UBR3: variants seen among roughly 807,000 people sequenced by gnomAD.
The protein encoded by UBR3 is E3 ubiquitin-protein ligase UBR3.
In UBR3, 85 loss-of-function variants were observed where a neutral mutation model predicts 243.2. That is an observed-to-expected ratio of 0.35 (90% confidence interval 0.29 to 0.42). The LOEUF is 0.42. UBR3 is among the 10% of genes least tolerant of loss of function. The pLI is 1.00. For synonymous variants in UBR3, 748 were observed against 799.8 expected (o/e 0.94, Z 1.09); for missense variants, 1,686 against 2,300.8 (o/e 0.73, Z 5.47).
At chr2:169,866,181 G>C (rs1486159352) in intron 1 of UBR3, among the ~76,000 whole-genome samples, 1 of 65,200 alleles carries the variant, frequency 1.5e-5, no homozygotes, top group Admixed American at 1.8e-4. Flanking sequence ...AAAAAAAAAA[G>C]CTTTTATGGG....
intron 5 of UBR3, among the ~76,000 whole-genome samples, chr2:169,884,575 C>T (rs1188723250): frequency 1.3e-5 from 2 of 152,216 alleles, no homozygotes; most frequent in Non-Finnish European, 2.9e-5. Flanking sequence ...ACTACTGTGA[C>T]TCTTCCGCTA....
chr2:169,959,288 T>C (rs1381699606), intron 24 of UBR3, among the ~76,000 whole-genome samples: 1 of 152,170 alleles, frequency 6.6e-6, no homozygotes, highest in Non-Finnish European at 1.5e-5. Context: ...TAATGGGTTC[T>C]AAACCATCTA....
At chr2:169,845,881 G>A (rs1200531186) in intron 1 of UBR3, among the ~76,000 whole-genome samples, 1 of 152,106 alleles carries the variant, frequency 6.6e-6, no homozygotes, top group East Asian at 1.9e-4. Flanking sequence ...ACGGTGCCCA[G>A]CCAGTAATTT....
At chr2:170,056,245 A>G (rs62172047) in intron 33 of UBR3, among the ~76,000 whole-genome samples, 10,244 of 151,958 alleles carry the variant, frequency 0.067, 357 homozygotes, top group Non-Finnish European at 0.085. Flanking sequence ...TGACCTTGTG[A>G]TCCGCCCACC....
At chr2:170,054,380 C>A (rs2091287885) in intron 32 of UBR3, among the ~76,000 whole-genome samples, 1 of 151,784 alleles carries the variant, frequency 6.6e-6, no homozygotes, top group Non-Finnish European at 1.5e-5. Flanking sequence ...CTCCCGGGTT[C>A]AAGCGATTCT....
chr2:169,838,351 C>T (rs545303498), intron 1 of UBR3, among the ~76,000 whole-genome samples: 60 of 147,844 alleles, frequency 4.1e-4, no homozygotes, highest in Admixed American at 1.8e-3. Context: ...TTTATTTATT[C>T]CAGTCTGGAA....
At chr2:169,928,584 A>ATCTGTATG (rs2085997715) in intron 17 of UBR3, 143 bp from the exon 18 acceptor site, 1 of 508,002 alleles carries the variant, frequency 2.0e-6, no homozygotes, top group African/African-American at 1.9e-5. Flanking sequence ...CTGTTGTATT[A>ATCTGTATG]TATAGCCCTC....
In UBR3 at chr2:169,949,649, A is replaced by G; in HGVS notation, c.3129A>G (p.Arg1043=). ...AQVFSLVAER[R]KKFQEIINRS... is the part of the protein sequence containing the mutation. ...TTTTCAGTTTAGTAGCAGAACGTAG[A>G]AAGAAATTTCAGGAAATCATCAATC... Residue 1043 remains arginine, a synonymous_variant, in exon 23 of 39, where the codon AGA becomes AGG. Coordinates refer to ENST00000272793, the MANE Select transcript of UBR3 (RefSeq NM_172070.4). The G allele has an allele frequency of 6.4e-7, 1 of 1,550,442 alleles. No homozygotes were observed. Among genetic ancestry groups the G allele is most frequent in the South Asian group, 1.2e-5 (1 of 83,694 alleles).
chr2:169,988,828 T>C (rs891092627), intron 25 of UBR3, among the ~76,000 whole-genome samples: 6 of 152,052 alleles, frequency 3.9e-5, no homozygotes, highest in African/African-American at 9.7e-5. Context: ...GAAACTGACA[T>C]TAAAGAGTAT....
At chr2:169,836,272 T>TG (rs2082111415) in intron 1 of UBR3, among the ~76,000 whole-genome samples, 1 of 150,106 alleles carries the variant, frequency 6.7e-6, no homozygotes. Flanking sequence ...TTAGTAGAGA[T>TG]GGGGGTTTCA....
At chr2:170,076,796 G>C (rs1163617061) in intron 36 of UBR3, among the ~76,000 whole-genome samples, 1 of 152,182 alleles carries the variant, frequency 6.6e-6, no homozygotes, top group Non-Finnish European at 1.5e-5. Context: ...GATTGGTCCT[G>C]TCTTTGTTTC....
chr2:169,844,481 A>G (rs2082399425), intron 1 of UBR3, among the ~76,000 whole-genome samples: 1 of 128,638 alleles, frequency 7.8e-6, no homozygotes, highest in South Asian at 2.5e-4. Context: ...GTATGTAGTG[A>G]AACCCTCTCT....
chr2:169,988,815 A>G (rs2089148323), intron 25 of UBR3, among the ~76,000 whole-genome samples: 1 of 152,102 alleles, frequency 6.6e-6, no homozygotes, highest in Non-Finnish European at 1.5e-5. Context: ...AAAAAGAAAA[A>G]AAGAAACTGA....
At chr2:169,905,768 A>AT (rs1254444917) in intron 9 of UBR3, among the ~76,000 whole-genome samples, 1 of 152,210 alleles carries the variant, frequency 6.6e-6, no homozygotes, top group Non-Finnish European at 1.5e-5. Context: ...ATCAATTAAA[A>AT]TTTTTTTGAC....
chr2:170,076,984 G>A (rs966138404), intron 36 of UBR3, among the ~76,000 whole-genome samples: 15 of 152,224 alleles, frequency 9.9e-5, no homozygotes, highest in African/African-American at 2.9e-4. Flanking sequence ...CCACCCTTGT[G>A]ATGTTATAAA....
At chr2:170,047,852 T>G (rs1559216171) in intron 32 of UBR3, among the ~76,000 whole-genome samples, 1 of 152,214 alleles carries the variant, frequency 6.6e-6, no homozygotes, top group Non-Finnish European at 1.5e-5. Context: ...ATATCCACAC[T>G]GTAGATGCTA....
At chr2:170,027,771 T>C (rs1009977729) in intron 30 of UBR3, among the ~76,000 whole-genome samples, 5 of 151,922 alleles carry the variant, frequency 3.3e-5, no homozygotes, top group African/African-American at 7.2e-5. Flanking sequence ...ATTATATGCT[T>C]AGTAGTCTCA....
chr2:169,962,231 AT>A (rs1055815655), intron 24 of UBR3, among the ~76,000 whole-genome samples: 31 of 150,914 alleles, frequency 2.1e-4, no homozygotes, highest in African/African-American at 6.8e-4. Context: ...TAATTTTGTT[AT>A]TTTTTTTCTT....
chr2:170,018,696 T>C (rs1278036193), intron 30 of UBR3, among the ~76,000 whole-genome samples: 1 of 152,176 alleles, frequency 6.6e-6, no homozygotes, highest in Non-Finnish European at 1.5e-5. Context: ...GAACAAGACT[T>C]TGAAAGATAA....
Sources: gnomAD v4.1 joint callset for allele counts (sites outside exome capture counted in the v4.1 genomes callset) on GRCh38, gnomAD v4.1.1 for gene constraint, MANE v1.5 for transcripts, NCBI Gene and HGNC (gene_info 2026-07-23, HGNC 2026-07-21) for gene names.